The following PEX2 variants were observed in gnomAD, a reference collection of about 807,000 sequenced individuals.
PEX2 encodes the protein peroxisomal biogenesis factor 2, also known as peroxisome biogenesis factor 2.
A neutral mutation model predicts 25.2 loss-of-function variants in PEX2; 19 were observed. The observed-to-expected ratio is 0.75, with a 90% CI of 0.53 to 1.10. PEX2 has a LOEUF of 1.10. PEX2 is among the 50% of genes least tolerant of loss of function. The pLI, the probability that PEX2 is intolerant of heterozygous loss-of-function variation, is 0.00. For synonymous variants in PEX2, 141 were observed against 127.7 expected, an observed-to-expected ratio of 1.10 and a Z score of -0.70; for missense variants, 347 against 350.6, an observed-to-expected ratio of 0.99 and a Z score of 0.08.
chr8:76,981,461 T>A lies in PEX2; in HGVS notation c.*1800A>T, dbSNP rs1402762701. The A allele has an allele frequency of 6.6e-6, 1 of 152,068 alleles. No individual in the cohort carries two copies. The allele number at this position is 152,068 out of a possible 1,614,324, so 9.4% of individuals were successfully genotyped here. A position where few individuals can be genotyped will look rare whatever the true frequency, so the allele number is the denominator to read the frequency against. ...CTGGGTGACTGGGTGAGGCCCTTTC[T>A]CACCAAAAACAAACAAACAAACAAA... On this transcript the variant is annotated 3_prime_UTR_variant, in exon 4 of 4. Transcript: ENST00000357039.
Position 76,983,510 on chromosome 8 carries a change from C to A in PEX2, c.669G>T (p.Trp223Cys). Residue 223 changes from tryptophan (W) to cysteine (C), a missense_variant, in exon 4 of 4, where the codon TGG becomes TGT. Trp to Cys is a radical substitution (Grantham distance 215). Transcript: ENST00000357039. ...TAGGTGCACCAGTAAGAGGAATACACCATGAAGACAGCTTGGCTTTCAACT... is the reference window on the plus strand; with the variant it reads ...TAGGTGCACCAGTAAGAGGAATACAACATGAAGACAGCTTGGCTTTCAACT... ...VQKLKAKLSS[W>C]CIPLTGAPNS... 6.2e-7 allele frequency: 1 copy of A among 1,614,006 alleles called. No homozygotes were observed. Among genetic ancestry groups the A allele is most frequent in the South Asian group, 1.1e-5 (1 of 91,084 alleles).
chr8:76,987,761 T>C (rs1372784510), intron 2 of PEX2: 6 of 152,146 alleles, frequency 3.9e-5, no homozygotes, highest in African/African-American at 7.2e-5. Context: ...AGTGACACTA[T>C]CTGGAGAGAA....
intron 1 of PEX2, among the ~76,000 whole-genome samples, chr8:76,988,905 G>A (rs1807080900): frequency 6.6e-6 from 1 of 151,232 alleles, no homozygotes; most frequent in Admixed American, 6.6e-5. Flanking sequence ...TCCATAAGAA[G>A]CAACTCACTG....
At position 76,982,587 on chromosome 8, in the gene PEX2, G is replaced by C. The variant is rs1372549035; in HGVS notation, c.*674C>G. 6.6e-6 allele frequency: 1 copy of C among 152,322 alleles called. No individual in the cohort carries two copies. The highest frequency in any genetic ancestry group is 6.6e-5 in the Admixed American group (1 of 15,266). 9.4% of individuals were successfully genotyped at this position (152,322 alleles called of 1,614,324 possible). On this transcript the variant is annotated 3_prime_UTR_variant, in exon 4 of 4. Transcript: ENST00000357039. ...AGCACTTTGGGAGGCTGACGCAGGT[G>C]GATCACCAGATCAGGAGATAGAGAC...
chr8:76,996,043 T>C (rs1486082038), intron 1 of PEX2, among the ~76,000 whole-genome samples: 1 of 151,900 alleles, frequency 6.6e-6, no homozygotes, highest in Non-Finnish European at 1.5e-5. Flanking sequence ...AAAAGAGCAA[T>C]ACAGGACATG....
rs990896660 is a variant in PEX2, at chr8:76,980,854, C to A, written c.*2407G>T. On this transcript the variant is annotated 3_prime_UTR_variant, in exon 4 of 4. Transcript: ENST00000357039. ...ATATACACTAAACATGTAATCCTTA[C>A]AATGAACAGATGTGCAGAGATGTGG... 11 of 152,214 alleles carry A rather than the reference C, an allele frequency of 7.2e-5. No homozygotes were observed. The highest frequency in any genetic ancestry group is 2.4e-4 in the African/African-American group (10 of 41,454). 9.4% of individuals were successfully genotyped at this position (152,214 alleles called of 1,614,324 possible).
rs758460841 is a variant in PEX2 at position 76,983,567 on chromosome 8, C to T, written c.612G>A (p.Leu204=). 1.9e-6 allele frequency: 3 copies of T among 1,614,030 alleles called. No homozygotes were observed. Among genetic ancestry groups the T allele is most frequent in the Non-Finnish European group, 2.5e-6 (3 of 1,180,024 alleles). ...CATTGATAAGTGGTAAGAGAAAAAT[C>T]AGAAATTCAGCAAAACCATGCCAGA... ...ELLWHGFAEF[L]IFLLPLINVQ... is the part of the protein sequence containing the mutation. The change falls in exon 4 of 4, where the codon CTG becomes CTA. Residue 204 remains leucine, a synonymous_variant. Coordinates refer to ENST00000357039, the MANE Select transcript of PEX2 (RefSeq NM_000318.3).
At position 76,983,428 on chromosome 8, in the gene PEX2, G is replaced by A; in HGVS notation, c.751C>T (p.Pro251Ser). 1 of 1,614,032 alleles carries A rather than the reference G, an allele frequency of 6.2e-7. No individual in the cohort carries two copies. The highest frequency in any genetic ancestry group is 8.5e-7 in the Non-Finnish European group (1 of 1,180,006). The change falls in exon 4 of 4, where the codon CCC becomes TCC. Residue 251 changes from proline to serine, a missense_variant. Coordinates refer to ENST00000357039, the MANE Select transcript of PEX2 (RefSeq NM_000318.3). ...CATCCTATGGTGTGAGGCATGGTGG[G>A]CCACTCTCCACATAGAGCGCATTCT... Reference protein sequence around the residue: ...GKECALCGEWPTMPHTIGCEH... With the variant: ...GKECALCGEWSTMPHTIGCEH...
At position 76,984,013 on chromosome 8, in the gene PEX2, C is replaced by A; in HGVS notation, c.166G>T (p.Val56Leu). The change falls in exon 4 of 4, where the codon GTG (valine) becomes TTG (leucine). Residue 56 changes from valine to leucine, a missense_variant. Transcript: ENST00000357039. ...AAGAAAACCCATAAGCACGCTTTCA[C>A]CTCTGGCTCAAAGCGAGCTAACAGC... Reference protein sequence around the residue: ...PGLLARFEPEVKACLWVFLWR... With the variant: ...PGLLARFEPELKACLWVFLWR... 6.2e-7 allele frequency: 1 copy of A among 1,613,858 alleles called. No individual in the cohort carries two copies. The highest frequency in any genetic ancestry group is 8.5e-7 in the Non-Finnish European group (1 of 1,179,834).
At chr8:76,995,493 ATC>A (rs1189402126) in intron 1 of PEX2, among the ~76,000 whole-genome samples, 2 of 152,022 alleles carry the variant, frequency 1.3e-5, no homozygotes, top group Non-Finnish European at 2.9e-5. Context: ...AGGGGAAAAT[ATC>A]TTTTTTTTTT....
intron 1 of PEX2, among the ~76,000 whole-genome samples, chr8:76,998,382 C>T (rs1807397873): frequency 6.6e-6 from 1 of 151,636 alleles, no homozygotes; most frequent in African/African-American, 2.4e-5. Flanking sequence ...ACTTTTATGG[C>T]TAAAATAAAA....
In PEX2 at chr8:76,983,327, G is replaced by A. The variant is rs2132042925; in HGVS notation, c.852C>T (p.Gly284=). Reference sequence around the variant, plus strand: ...GTGGCTGCAGACTGTGTACTTCTGTGCCACACTTAGGACAAGTAAAGTACA... The same window carrying A: ...GTGGCTGCAGACTGTGTACTTCTGTACCACACTTAGGACAAGTAAAGTACA... ...FDVYFTCPKC[G]TEVHSLQPLK... Residue 284 remains glycine, a synonymous_variant, in exon 4 of 4, where the codon GGC becomes GGT. Transcript: ENST00000357039. The A allele has an allele frequency of 6.2e-7, 1 of 1,613,876 alleles. No individual in the cohort carries two copies. The highest frequency in any genetic ancestry group is 1.3e-5 in the African/African-American group (1 of 75,004).
At chr8:76,997,560 C>G (rs1342822792) in intron 1 of PEX2, among the ~76,000 whole-genome samples, 1 of 152,114 alleles carries the variant, frequency 6.6e-6, no homozygotes. Context: ...CACAGCAAGA[C>G]TCTGTCTCAA....
chr8:76,988,134 G>A (rs1411574192), intron 2 of PEX2, 173 bp downstream of exon 2: 1 of 152,226 alleles, frequency 6.6e-6, no homozygotes, highest in African/African-American at 2.4e-5. Context: ...TATTCTGGTA[G>A]TTTTTAACTG....
At chr8:76,997,868 A>G (rs1302531598) in intron 1 of PEX2, among the ~76,000 whole-genome samples, 1 of 152,220 alleles carries the variant, frequency 6.6e-6, no homozygotes, top group Non-Finnish European at 1.5e-5. Context: ...ACTTCCATGT[A>G]AAGAAACTAC....
rs1185777198 is a variant in PEX2 at position 76,983,760 on chromosome 8, T to C, written c.419A>G (p.Asn140Ser). The C allele has an allele frequency of 6.2e-7, 1 of 1,613,888 alleles. No individual in the cohort carries two copies. The highest frequency in any genetic ancestry group is 1.3e-5 in the African/African-American group (1 of 74,902). Residue 140 changes from asparagine (N) to serine (S), a missense_variant, in exon 4 of 4, where the codon AAT becomes AGT. Coordinates refer to ENST00000357039, the MANE Select transcript of PEX2 (RefSeq NM_000318.3). The stretch of plus-strand genomic sequence containing the variant: ...TAATTTCAAAAGTCCAATCACAAAA[T>C]TCACACACTGCTTGACTTTCCCAAA... ...ASFGKVKQCV[N>S]FVIGLLKLGG...
rs1806898835 is a variant in PEX2, at chr8:76,983,464, T to A, written c.715A>T (p.Thr239Ser). 2 of 1,614,048 alleles carry A rather than the reference T, an allele frequency of 1.2e-6. No homozygotes were observed. Among genetic ancestry groups the A allele is most frequent in the Non-Finnish European group, 1.7e-6 (2 of 1,180,030 alleles). The change falls in exon 4 of 4, where the codon ACC (threonine) becomes TCC (serine). Residue 239 changes from threonine (T) to serine (S), a missense_variant. Coordinates refer to ENST00000357039, the MANE Select transcript of PEX2 (RefSeq NM_000318.3). ...GAPNSDNTLA[T>S]SGKECALCGE... ...CATAGAGCGCATTCTTTGCCACTGG[T>A]GGCTAATGTATTGTCACTATTAGGT...
intron 3 of PEX2, among the ~76,000 whole-genome samples, chr8:76,985,411 T>C (rs1806974814): frequency 6.6e-6 from 1 of 152,114 alleles, no homozygotes; most frequent in Non-Finnish European, 1.5e-5. Flanking sequence ...GTTAATATGC[T>C]CTATTGTTTC....
upstream of PEX2, chr8:77,000,303 T>A (rs2132066208): frequency 3.4e-6 from 1 of 297,430 alleles, no homozygotes; most frequent in Admixed American, 5.1e-5. Context: ...GGAAGAACTC[T>A]GTCTCTGATT....
Sources: allele counts gnomAD v4.1 joint callset (sites outside exome capture counted in the v4.1 genomes callset), GRCh38; gene constraint gnomAD v4.1.1; transcripts MANE v1.5; gene names NCBI Gene and HGNC (gene_info 2026-07-23, HGNC 2026-07-21).